AMOT: variants seen among roughly 807,000 people sequenced by gnomAD.
The protein encoded by AMOT is angiomotin.
In AMOT, 11 loss-of-function variants were observed where a neutral mutation model predicts 67.0. The ratio of observed to expected loss-of-function variants is 0.16; its 90% CI spans 0.10 to 0.27. The LOEUF (loss-of-function observed/expected upper bound fraction) is 0.27. Among genes scored for constraint, AMOT ranks in the 10% least tolerant of loss-of-function variants. The pLI is 1.00. For synonymous variants in AMOT, 326 were observed against 321.4 expected, an observed-to-expected ratio of 1.01 and a Z score of -0.15; for missense variants, 753 against 852.0, an observed-to-expected ratio of 0.88 and a Z score of 1.45.
chrX:112,808,841 G>C (rs1934267875), intron 7 of AMOT, among the ~76,000 whole-genome samples: 1 of 111,830 alleles, frequency 8.9e-6, no homozygotes, highest in Non-Finnish European at 1.9e-5. Flanking sequence ...GATGACACCA[G>C]AAAAACTACA....
chrX:112,787,119 G>A (rs962140166), intron 10 of AMOT, among the ~76,000 whole-genome samples: 28 of 111,934 alleles, frequency 2.5e-4, no homozygotes, highest in Admixed American at 1.0e-3. Flanking sequence ...GTCTGAAATC[G>A]TTAACATCAA....
intron 8 of AMOT, among the ~76,000 whole-genome samples, chrX:112,793,340 G>A (rs750871495): frequency 8.9e-6 from 1 of 111,906 alleles, no homozygotes; most frequent in African/African-American, 3.2e-5. Flanking sequence ...TACCTAGGTA[G>A]ATAACTGCAA....
chrX:112,778,422 T>C lies in AMOT; in HGVS notation c.*145A>G. 2 of 486,182 alleles carry C rather than the reference T, an allele frequency of 4.1e-6. No individual in the cohort carries two copies. Among genetic ancestry groups the C allele is most frequent in the Non-Finnish European group, 7.0e-6 (2 of 284,432 alleles). The allele number at this position is 486,182 out of a possible 1,213,427, so 40.1% of individuals were successfully genotyped here. ...TGGTGTTCACATGGTATTACTCAAG[T>C]AGTACATTGTTCCAATAAAAAGTCC... On this transcript the variant is annotated 3_prime_UTR_variant, in exon 14 of 14. Coordinates refer to ENST00000371959, the MANE Select transcript of AMOT (RefSeq NM_001113490.2).
At chrX:112,785,053 C>T (rs1933322274) in intron 10 of AMOT, among the ~76,000 whole-genome samples, 1 of 111,802 alleles carries the variant, frequency 8.9e-6, no homozygotes, top group Non-Finnish European at 1.9e-5. Context: ...AAGACTAGGG[C>T]TACCAGGCCA....
At chrX:112,811,442 G>A (rs1464400827) in intron 5 of AMOT, 49 bp from the exon 6 acceptor site, 1 of 1,170,933 alleles carries the variant, frequency 8.5e-7, no homozygotes, top group Non-Finnish European at 1.1e-6. Context: ...GGGTGATGGG[G>A]AAAATGGTCT....
At chrX:112,818,480 C>T (rs1934627339) in intron 4 of AMOT, among the ~76,000 whole-genome samples, 1 of 111,700 alleles carries the variant, frequency 9.0e-6, no homozygotes, top group Non-Finnish European at 1.9e-5. Flanking sequence ...GATCTCAGTG[C>T]ACCGTGATGT....
intron 2 of AMOT, among the ~76,000 whole-genome samples, chrX:112,828,702 AGG>A (rs1267808668): frequency 9.0e-6 from 1 of 111,485 alleles, no homozygotes; most frequent in East Asian, 2.8e-4. Context: ...AGGGCCTCAA[AGG>A]GTAAGAGAGA....
Position 112,815,710 on chromosome X carries a change from G to A in AMOT, c.1040C>T (p.Ala347Val), listed in dbSNP as rs2147815166. The change falls in exon 5 of 14, where the codon GCT becomes GTT. Residue 347 changes from alanine to valine, a missense_variant. By Grantham distance (64) the Ala-to-Val change is moderately conservative. This residue lies in a region of AMOT where 297 missense variants were observed against 284.3 expected (regional missense o/e 1.04). Transcript: ENST00000371959. ...PLVPNQGDHS[A>V]HLPRPQQHFL... ...ATGCTGCTGCGGCCTAGGCAGGTGA[G>A]CTGAATGGTCTCCCTGGTTTGGGAC... 1.7e-6 allele frequency: 2 copies of A among 1,168,558 alleles called. No individual in the cohort carries two copies. Among genetic ancestry groups the A allele is most frequent in the Non-Finnish European group, 2.3e-6 (2 of 873,569 alleles).
intron 7 of AMOT, among the ~76,000 whole-genome samples, chrX:112,809,124 G>A (rs2147807040): frequency 9.0e-6 from 1 of 111,640 alleles, no homozygotes; most frequent in East Asian, 2.8e-4. Context: ...TGGGGGTAGA[G>A]GAAACTAGCT....
Position 112,811,272 on chromosome X carries a change from T to G in AMOT, c.1514A>C (p.His505Pro). ...ACCTCTCAGATCCCTGTTGAAATCA[T>G]GCATCCTCCGAATCTCGCCCTCTAG... ...NKLEGEIRRMHDFNRDLRERL... is the reference protein window; with the variant it reads ...NKLEGEIRRMPDFNRDLRERL... The change falls in exon 6 of 14, where the codon CAT becomes CCT. Residue 505 changes from histidine to proline, a missense_variant. By Grantham distance (77) the His-to-Pro change is moderately conservative. Coordinates refer to ENST00000371959, the MANE Select transcript of AMOT (RefSeq NM_001113490.2). 1 of 1,211,206 alleles carries G rather than the reference T, an allele frequency of 8.3e-7. No individual in the cohort carries two copies. Among genetic ancestry groups the G allele is most frequent in the Non-Finnish European group, 1.1e-6 (1 of 895,234 alleles).
Position 112,822,530 on chromosome X carries a change from G to A in AMOT, c.597C>T (p.Leu199=). ...AGAGGTCATTGGGTTGTGGTGGGGAGAGGGGAGCACTGGTAACAGGTGGAT... is the reference window on the plus strand; with the variant it reads ...AGAGGTCATTGGGTTGTGGTGGGGAAAGGGGAGCACTGGTAACAGGTGGAT... ...KAHPPVTSAP[L]SPPQPNDLYK... The change falls in exon 4 of 14, where the codon CTC becomes CTT. Residue 199 remains leucine, a synonymous_variant. Transcript: ENST00000371959. 1 of 1,168,129 alleles carries A rather than the reference G, an allele frequency of 8.6e-7. No individual in the cohort carries two copies.
At chrX:112,804,898 T>TTCCCCCCCCCCCCCCCCCCCC in intron 8 of AMOT, 49 bp downstream of exon 8, 2 of 837,587 alleles carry the variant, frequency 2.4e-6, no homozygotes, top group Non-Finnish European at 1.7e-6. Context: ...GTCCCCGATT[T>TTCCCCCCCCCCCCCCCCCCCC]CCCAGCCCTC....
chrX:112,812,813 A>G (rs1055876402), intron 5 of AMOT, among the ~76,000 whole-genome samples: 1 of 112,183 alleles, frequency 8.9e-6, no homozygotes, highest in African/African-American at 3.2e-5. Context: ...TTGCCAAACC[A>G]GTCAGATTCA....
chrX:112,801,335 G>T (rs776601242), intron 8 of AMOT, among the ~76,000 whole-genome samples: 14 of 111,389 alleles, frequency 1.3e-4, no homozygotes, highest in African/African-American at 4.6e-4. Flanking sequence ...TACGTGTCCC[G>T]AAAGAAAGAT....
intron 4 of AMOT, among the ~76,000 whole-genome samples, chrX:112,816,183 C>T (rs755980432): frequency 7.2e-5 from 8 of 111,635 alleles, no homozygotes; most frequent in African/African-American, 1.3e-4. Context: ...ACCTGTACAC[C>T]CGTTTGCTCA....
intron 7 of AMOT, among the ~76,000 whole-genome samples, chrX:112,807,408 A>C (rs984318699): frequency 9.0e-6 from 1 of 110,966 alleles, no homozygotes; most frequent in African/African-American, 3.3e-5. Flanking sequence ...AAAAACCTAC[A>C]AGTCACACTA....
At chrX:112,801,534 G>A (rs1934017681) in intron 8 of AMOT, among the ~76,000 whole-genome samples, 1 of 111,715 alleles carries the variant, frequency 9.0e-6, no homozygotes, top group Admixed American at 9.5e-5. Flanking sequence ...CCAGGTCCAT[G>A]AAAGAATGCA....
intron 2 of AMOT, among the ~76,000 whole-genome samples, chrX:112,831,167 A>G (rs1209975013): frequency 9.1e-6 from 1 of 109,930 alleles, no homozygotes; most frequent in African/African-American, 3.3e-5. Flanking sequence ...AAAGCAGGGG[A>G]GGCAATAGGT....
intron 7 of AMOT, among the ~76,000 whole-genome samples, chrX:112,807,738 C>T (rs2147805485): frequency 8.9e-6 from 1 of 111,768 alleles, no homozygotes; most frequent in African/African-American, 3.2e-5. Context: ...AAAGCATAAC[C>T]AAACACCAAA....
Sources: gnomAD v4.1 joint callset for allele counts (sites outside exome capture counted in the v4.1 genomes callset) on GRCh38, gnomAD v4.1.1 for gene constraint, gnomAD v4.1.1 regional missense constraint, MANE v1.5 for transcripts, NCBI Gene and HGNC (gene_info 2026-07-23, HGNC 2026-07-21) for gene names.